JARID2: variants seen among roughly 807,000 people sequenced by gnomAD.
The protein encoded by JARID2 is protein Jumonji.
A neutral mutation model predicts 125.6 loss-of-function variants in JARID2; 21 were observed. The ratio of observed to expected loss-of-function variants is 0.17; its 90% CI spans 0.12 to 0.24. The LOEUF (loss-of-function observed/expected upper bound fraction) is 0.24, where lower values mean the gene tolerates loss of function less well. Ranked by LOEUF, JARID2 falls within the 10% of genes least tolerant of loss-of-function variation. JARID2 has a pLI of 1.00. For missense variants in JARID2, 1,303 were observed against 1,639.6 expected, an observed-to-expected ratio of 0.79 and a Z score of 3.55; for synonymous variants, 736 against 661.6, an observed-to-expected ratio of 1.11 and a Z score of -1.73.
chr6:15,361,364 C>T (rs776949410), intron 1 of JARID2, among the ~76,000 whole-genome samples: 17 of 152,164 alleles, frequency 1.1e-4, no homozygotes, highest in African/African-American at 2.9e-4. Context: ...TTCTTTGCTC[C>T]GAAGTCTCCA....
intron 1 of JARID2, among the ~76,000 whole-genome samples, chr6:15,355,193 C>G (rs1335358777): frequency 6.6e-6 from 1 of 152,104 alleles, no homozygotes; most frequent in African/African-American, 2.4e-5. Context: ...TCTGCCTGTA[C>G]TTTGTATTGA....
intron 14 of JARID2, 60 bp downstream of exon 14, chr6:15,512,450 G>A: frequency 6.6e-7 from 1 of 1,503,828 alleles, no homozygotes; most frequent in African/African-American, 1.4e-5. Flanking sequence ...TGCCGTGCGT[G>A]AGCGCACACA....
chr6:15,446,240 G>T (rs1767666437), intron 3 of JARID2, among the ~76,000 whole-genome samples: 1 of 152,172 alleles, frequency 6.6e-6, no homozygotes, highest in Admixed American at 6.5e-5. Context: ...TCTAGACTTG[G>T]TAAGGCCTGT....
intron 2 of JARID2, among the ~76,000 whole-genome samples, chr6:15,399,606 C>T (rs1339286785): frequency 2.6e-5 from 4 of 152,076 alleles, no homozygotes; most frequent in African/African-American, 7.2e-5. Context: ...CAAGAGTTGG[C>T]CATTGTGGAG....
At chr6:15,502,216 G>A (rs1165261449) in intron 8 of JARID2, among the ~76,000 whole-genome samples, 1 of 152,238 alleles carries the variant, frequency 6.6e-6, no homozygotes, top group African/African-American at 2.4e-5. Flanking sequence ...GGCAGAGTCC[G>A]TGGCTCTCCT....
intron 1 of JARID2, among the ~76,000 whole-genome samples, chr6:15,353,064 C>T (rs1413929005): frequency 6.6e-6 from 1 of 152,104 alleles, no homozygotes; most frequent in Non-Finnish European, 1.5e-5. Flanking sequence ...GGGTGTATGC[C>T]AGAGAATTGA....
chr6:15,476,548 T>G (rs1769351209), intron 5 of JARID2, among the ~76,000 whole-genome samples: 2 of 152,370 alleles, frequency 1.3e-5, no homozygotes, highest in Admixed American at 1.3e-4. Flanking sequence ...AATGTGCTCA[T>G]TTGTAATCCA....
intron 4 of JARID2, among the ~76,000 whole-genome samples, chr6:15,454,293 TGGG>T (rs1181250801): frequency 2.6e-5 from 4 of 152,034 alleles, no homozygotes; most frequent in African/African-American, 7.3e-5. Flanking sequence ...ACTGAATTGT[TGGG>T]GGGGAAATTT....
At chr6:15,303,819 T>C (rs1361510291) in intron 1 of JARID2, among the ~76,000 whole-genome samples, 1 of 152,200 alleles carries the variant, frequency 6.6e-6, no homozygotes, top group Non-Finnish European at 1.5e-5. Flanking sequence ...ACTGTTTGTA[T>C]TATTAGTGTA....
intron 1 of JARID2, among the ~76,000 whole-genome samples, chr6:15,281,605 A>G (rs915734984): frequency 1.3e-5 from 2 of 152,184 alleles, no homozygotes; most frequent in Non-Finnish European, 2.9e-5. Context: ...CTTGGGGCCT[A>G]TTTATATAAA....
chr6:15,503,280 C>T (rs1400821593), intron 8 of JARID2, among the ~76,000 whole-genome samples: 1 of 152,192 alleles, frequency 6.6e-6, no homozygotes, highest in Admixed American at 6.5e-5. Context: ...AGAATTCAGT[C>T]CCTCCTTTTT....
intron 1 of JARID2, among the ~76,000 whole-genome samples, chr6:15,373,708 C>T (rs1764251730): frequency 6.6e-6 from 1 of 152,194 alleles, no homozygotes; most frequent in African/African-American, 2.4e-5. Flanking sequence ...GAGCTCCGTA[C>T]ATATTTCTGT....
At chr6:15,253,971 C>T (rs937642732) in intron 1 of JARID2, among the ~76,000 whole-genome samples, 2 of 152,116 alleles carry the variant, frequency 1.3e-5, no homozygotes, top group Non-Finnish European at 2.9e-5. Context: ...GTAACATGAA[C>T]GATCAGTGGA....
At chr6:15,273,302 G>T (rs115907768) in intron 1 of JARID2, among the ~76,000 whole-genome samples, 3,261 of 152,294 alleles carry the variant, frequency 0.021, 70 homozygotes, top group Non-Finnish European at 0.027. Flanking sequence ...GTACACATGG[G>T]ATGTGCACAT....
chr6:15,400,919 C>T (rs1416367344), intron 2 of JARID2: 15 of 1,289,080 alleles, frequency 1.2e-5, no homozygotes, highest in East Asian at 1.1e-4. Flanking sequence ...CCTTCTTCCT[C>T]TCTGTCTCTC....
intron 2 of JARID2, among the ~76,000 whole-genome samples, chr6:15,408,197 AG>A (rs1258583303): frequency 3.3e-5 from 5 of 152,128 alleles, no homozygotes; most frequent in African/African-American, 1.2e-4. Context: ...GGCTGCAATA[AG>A]CTATGGTTGC....
intron 1 of JARID2, among the ~76,000 whole-genome samples, chr6:15,322,279 T>C (rs1762385528): frequency 1.3e-5 from 2 of 152,344 alleles, no homozygotes; most frequent in Admixed American, 1.3e-4. Context: ...CAGGCTTCTG[T>C]GCTTCTGATT....
intron 5 of JARID2, among the ~76,000 whole-genome samples, chr6:15,484,185 A>G (rs375574369): frequency 9.1e-6 from 1 of 109,460 alleles, no homozygotes; most frequent in East Asian, 3.3e-4. Context: ...GAAAATTGGG[A>G]TGTGTTTTCA....
chr6:15,360,047 T>C lies in JARID2; in HGVS notation c.46-14070T>C, dbSNP rs139914478. On this transcript the variant is annotated intron_variant, in intron 1 of 17. Transcript: ENST00000341776. ...AGCAAAACCAAAACCTCATCTCTTA[T>C]GAGTTAGGGCTTGTGATGTCAAATG... Among the ~76,000 whole-genome samples, 6 of 152,334 alleles carry C rather than the reference T, an allele frequency of 3.9e-5. No homozygotes were observed. In the East Asian group the frequency reaches 1.2e-3, roughly 29 times the overall value.
Sources: gnomAD v4.1 joint callset for allele counts (sites outside exome capture counted in the v4.1 genomes callset) on GRCh38, gnomAD v4.1.1 for gene constraint, MANE v1.5 for transcripts, NCBI Gene and HGNC (gene_info 2026-07-23, HGNC 2026-07-21) for gene names.